Variants in RIMS4 observed in about 807,000 individuals in gnomAD.
RIMS4 encodes regulating synaptic membrane exocytosis protein 4.
Under a neutral mutation model 29.0 loss-of-function variants are expected in RIMS4, and 9 were observed. The observed-to-expected ratio is 0.31, with a 90% CI of 0.19 to 0.54. The LOEUF is 0.54. Ranked by LOEUF, RIMS4 falls within the 20% of genes least tolerant of loss-of-function variation. RIMS4 has a pLI of 0.94. For missense variants in RIMS4, 193 were observed against 365.7 expected (o/e 0.53, Z 3.85); for synonymous variants, 130 against 152.9 (o/e 0.85, Z 1.10).
chr20:44,780,804 G>T (rs1204706544), intron 1 of RIMS4, among the ~76,000 whole-genome samples: 2 of 152,134 alleles, frequency 1.3e-5, no homozygotes, highest in African/African-American at 4.8e-5. Context: ...TTTTCCAAGA[G>T]GATTTGAAGA....
chr20:44,798,276 C>T (rs2066263210), intron 1 of RIMS4, among the ~76,000 whole-genome samples: 2 of 152,198 alleles, frequency 1.3e-5, no homozygotes, highest in South Asian at 2.1e-4. Context: ...AAATACAGTA[C>T]AGAATGCTGG....
At chr20:44,803,057 G>T (rs111307485) in intron 1 of RIMS4, among the ~76,000 whole-genome samples, 72 of 152,162 alleles carry the variant, frequency 4.7e-4, no homozygotes, top group African/African-American at 1.7e-3. Flanking sequence ...GCCCATCATC[G>T]TTCCATTTTC....
intron 1 of RIMS4, among the ~76,000 whole-genome samples, chr20:44,802,228 T>C (rs1459167834): frequency 6.6e-6 from 1 of 152,212 alleles, no homozygotes; most frequent in Non-Finnish European, 1.5e-5. Context: ...CTCTCATCCA[T>C]TAATCCTCAT....
intron 1 of RIMS4, among the ~76,000 whole-genome samples, chr20:44,773,442 C>A (rs1332286033): frequency 4.6e-5 from 7 of 152,154 alleles, no homozygotes; most frequent in African/African-American, 1.4e-4. Context: ...TGTACACACA[C>A]ACACACAGCA....
chr20:44,758,001 G>T, intron 3 of RIMS4, 71 bp downstream of exon 3: 1 of 1,168,240 alleles, frequency 8.6e-7, no homozygotes, highest in South Asian at 1.4e-5. Context: ...GGGAAGGAGG[G>T]AGAGACGCTG....
chr20:44,773,906 G>A (rs899345098), intron 1 of RIMS4, among the ~76,000 whole-genome samples: 7 of 152,066 alleles, frequency 4.6e-5, no homozygotes, highest in Admixed American at 1.3e-4. Context: ...CCCATAGTGC[G>A]GGCACAAAGT....
intron 1 of RIMS4, among the ~76,000 whole-genome samples, chr20:44,805,473 G>A (rs1199593925): frequency 6.6e-6 from 1 of 152,144 alleles, no homozygotes; most frequent in African/African-American, 2.4e-5. Context: ...TGGGAAGGGG[G>A]GTGTGGTCAG....
At chr20:44,780,655 G>T (rs2066180065) in intron 1 of RIMS4, among the ~76,000 whole-genome samples, 1 of 152,208 alleles carries the variant, frequency 6.6e-6, no homozygotes. Context: ...AGGGAAAGCT[G>T]AAGCTCAGGG....
At chr20:44,797,143 T>G (rs990951183) in intron 1 of RIMS4, among the ~76,000 whole-genome samples, 2 of 152,242 alleles carry the variant, frequency 1.3e-5, no homozygotes, top group Admixed American at 6.5e-5. Context: ...CCCTCTTTCC[T>G]GGGTGGGATA....
intron 1 of RIMS4, among the ~76,000 whole-genome samples, chr20:44,772,799 C>G (rs1568898265): frequency 6.6e-6 from 1 of 152,192 alleles, no homozygotes; most frequent in Non-Finnish European, 1.5e-5. Flanking sequence ...CACACCCAGT[C>G]ATCCTCCTCC....
intron 4 of RIMS4, 53 bp from the exon 5 acceptor site, chr20:44,757,090 G>A: frequency 6.3e-7 from 1 of 1,585,780 alleles, no homozygotes; most frequent in Non-Finnish European, 8.6e-7. Flanking sequence ...CAAATGGTGG[G>A]CAAAGGGTGC....
Position 44,757,692 on chromosome 20 carries a change from C to T in RIMS4, c.429G>A (p.Lys143=). 8 of 1,614,150 alleles carry T rather than the reference C, an allele frequency of 5.0e-6. No individual in the cohort carries two copies. Among genetic ancestry groups the T allele is most frequent in the Non-Finnish European group, 6.8e-6 (8 of 1,179,990 alleles). The change falls in exon 4 of 6, where the codon AAG becomes AAA. Residue 143 remains lysine, a synonymous_variant. Transcript: ENST00000372851. ...GACCTGGCAGTGTCTTGGAGCCTGGCTTGGCTGTCAGTCCCCGAGCCTGGA... is the reference window on the plus strand; with the variant it reads ...GACCTGGCAGTGTCTTGGAGCCTGGTTTGGCTGTCAGTCCCCGAGCCTGGA... ...DIIQARGLTA[K]PGSKTLPAAY...
At chr20:44,795,068 G>C (rs1055713952) in intron 1 of RIMS4, among the ~76,000 whole-genome samples, 4 of 152,110 alleles carry the variant, frequency 2.6e-5, no homozygotes, top group African/African-American at 9.7e-5. Flanking sequence ...CTTTCCCTGG[G>C]CTTTCAAAAG....
chr20:44,757,955 A>G (rs919197569), intron 3 of RIMS4, 117 bp downstream of exon 3: 2 of 958,468 alleles, frequency 2.1e-6, no homozygotes, highest in African/African-American at 3.2e-5. Context: ...CCTGGGCTCT[A>G]GGCGGCATGC....
Position 44,800,879 on chromosome 20 carries a change from C to T in RIMS4, c.97+9296G>A, listed in dbSNP as rs149876897. On this transcript the variant is annotated intron_variant, in intron 1 of 5. Coordinates refer to ENST00000372851, the MANE Select transcript of RIMS4 (RefSeq NM_182970.4). ...TGTGCACACAGTAAACACCACATAC[C>T]TAGACCAGAGCGAGGAGGCCTGACG... is the stretch of plus-strand genomic sequence containing the variant. Among the ~76,000 whole-genome samples, 3 of 152,354 alleles carry T rather than the reference C, an allele frequency of 2.0e-5. No individual in the cohort carries two copies. The East Asian group carries it at 5.8e-4, about 29-fold the overall frequency.
At chr20:44,782,273 C>T (rs1441716363) in intron 1 of RIMS4, among the ~76,000 whole-genome samples, 1 of 152,118 alleles carries the variant, frequency 6.6e-6, no homozygotes, top group Non-Finnish European at 1.5e-5. Context: ...ACTTAACATA[C>T]CTTATTTTTC....
chr20:44,772,285 G>A (rs2066140660), intron 1 of RIMS4, among the ~76,000 whole-genome samples: 1 of 152,026 alleles, frequency 6.6e-6, no homozygotes, highest in African/African-American at 2.4e-5. Context: ...CTCCTGCTTT[G>A]GTTTTCCTCC....
intron 3 of RIMS4, 90 bp downstream of exon 3, chr20:44,757,982 C>T: frequency 9.3e-7 from 1 of 1,080,436 alleles, no homozygotes; most frequent in South Asian, 1.4e-5. Flanking sequence ...GATGGATCAA[C>T]AGGCAAAGGG....
chr20:44,787,545 A>G (rs575289000), intron 1 of RIMS4, among the ~76,000 whole-genome samples: 11 of 152,254 alleles, frequency 7.2e-5, no homozygotes, highest in Non-Finnish European at 1.5e-4. Flanking sequence ...CTGGAGCCAA[A>G]GTCCACTGGC....
Sources: allele counts gnomAD v4.1 joint callset (sites outside exome capture counted in the v4.1 genomes callset), GRCh38; gene constraint gnomAD v4.1.1; transcripts MANE v1.5; gene names NCBI Gene and HGNC (gene_info 2026-07-23, HGNC 2026-07-21).